The following RTKN variants were observed in gnomAD, a reference collection of about 807,000 sequenced individuals.
The protein encoded by RTKN is rhotekin.
A neutral mutation model predicts 63.5 loss-of-function variants in RTKN; 49 were observed. The ratio of observed to expected loss-of-function variants is 0.77; its 90% CI spans 0.61 to 0.98. The LOEUF (loss-of-function observed/expected upper bound fraction) is 0.98, where lower values mean the gene tolerates loss of function less well. Among genes scored for constraint, RTKN ranks in the 50% least tolerant of loss-of-function variants. The pLI is 0.00. For missense variants in RTKN, 685 were observed against 740.8 expected, an observed-to-expected ratio of 0.92 and a Z score of 0.87; for synonymous variants, 295 against 290.4, an observed-to-expected ratio of 1.02 and a Z score of -0.16.
intron 10 of RTKN, 42 bp downstream of exon 10, chr2:74,427,382 C>T (rs983752035): frequency 6.2e-7 from 1 of 1,610,364 alleles, no homozygotes; most frequent in Non-Finnish European, 8.5e-7. Context: ...TGACAAACTC[C>T]AGTTCTTCCC....
intron 1 of RTKN, among the ~76,000 whole-genome samples, chr2:74,437,885 C>T (rs979611735): frequency 6.6e-6 from 1 of 152,150 alleles, no homozygotes; most frequent in African/African-American, 2.4e-5. Context: ...CTCCTGATGC[C>T]GCTGAAACCA....
At position 74,437,772 on chromosome 2, in the gene RTKN, T is replaced by C. The variant is rs371529476; in HGVS notation, c.111+3934A>G. On this transcript the variant is annotated intron_variant, in intron 1 of 11. Transcript: ENST00000272430. Reference sequence around the variant, plus strand: ...AAATAGGTTTTATCTCATGCACTGATGGAGGATAATTAGGTAGAGTCCCAA... The same window carrying C: ...AAATAGGTTTTATCTCATGCACTGACGGAGGATAATTAGGTAGAGTCCCAA... 6.6e-5 allele frequency among the ~76,000 whole-genome samples: 10 copies of C among 152,324 alleles called. No individual in the cohort carries two copies. The East Asian group carries it at 9.6e-4, about 15-fold the overall frequency.
intron 6 of RTKN, 50 bp downstream of exon 6, chr2:74,429,778 G>A: frequency 6.4e-7 from 1 of 1,550,782 alleles, no homozygotes; most frequent in East Asian, 2.3e-5. Context: ...AAGGTCACCT[G>A]TGGGCAGAAT....
chr2:74,430,782 A>G (rs1670706179), intron 2 of RTKN, 105 bp from the exon 3 acceptor site: 2 of 1,151,640 alleles, frequency 1.7e-6, no homozygotes, highest in Non-Finnish European at 2.4e-6. Flanking sequence ...CTCAGCCACC[A>G]GGTTCCCAGC....
intron 11 of RTKN, chr2:74,426,813 G>A: frequency 7.4e-7 from 1 of 1,356,212 alleles, no homozygotes. Context: ...GGAGTGGGGA[G>A]CAGAGGTGGG....
At chr2:74,438,001 TGATAAA>T (rs2103922178) in intron 1 of RTKN, among the ~76,000 whole-genome samples, 1 of 152,230 alleles carries the variant, frequency 6.6e-6, no homozygotes, top group Non-Finnish European at 1.5e-5. Flanking sequence ...CTGGGCTCGT[TGATAAA>T]GAGTGCCAAA....
chr2:74,427,009 A>G, intron 11 of RTKN, 160 bp downstream of exon 11: 1 of 984,736 alleles, frequency 1.0e-6, no homozygotes, highest in Admixed American at 6.1e-5. Flanking sequence ...AAAGAGTTGG[A>G]GAGGAGAAAA....
chr2:74,440,670 GC>G, intron 1 of RTKN: 1 of 687,618 alleles, frequency 1.5e-6, no homozygotes, highest in Non-Finnish European at 1.8e-6. Flanking sequence ...CCCCACGCTG[GC>G]CCCACGCGGG....
At chr2:74,441,671 C>A (rs1195923885) in intron 1 of RTKN, 35 bp downstream of exon 1, 1 of 1,517,364 alleles carries the variant, frequency 6.6e-7, no homozygotes, top group Non-Finnish European at 9.0e-7. Flanking sequence ...CCCCGGGAGC[C>A]GCGGAAGGGG....
intron 9 of RTKN, 37 bp from the exon 10 acceptor site, chr2:74,427,629 A>C (rs1287137358): frequency 8.2e-6 from 13 of 1,594,720 alleles, no homozygotes; most frequent in Non-Finnish European, 1.0e-5. Flanking sequence ...TGGTCACAGA[A>C]GTTGGCAGTG....
At chr2:74,441,219 T>A (rs1057010379) in intron 1 of RTKN, among the ~76,000 whole-genome samples, 8 of 152,164 alleles carry the variant, frequency 5.3e-5, no homozygotes, top group Admixed American at 3.9e-4. Context: ...AGCCTTTGAA[T>A]TGGGCTTCGG....
chr2:74,436,567 G>A lies in RTKN; in HGVS notation c.112-3901C>T, dbSNP rs1282946262. Among the ~76,000 whole-genome samples the A allele has an allele frequency of 6.6e-6, 1 of 152,146 alleles. No individual in the cohort carries two copies. The highest frequency in any genetic ancestry group is 1.5e-5 in the Non-Finnish European group (1 of 68,010). ...TCCAGCTCCGGGAGGCCCCTCCCGC[G>A]TAGCGTTTGCCCTCCAAGGTGACCC... On this transcript the variant is annotated intron_variant, in intron 1 of 11. Coordinates refer to ENST00000272430, the MANE Select transcript of RTKN (RefSeq NM_001015055.2). The surrounding 1 kb of genome is among the most constrained non-coding windows in gnomAD (Gnocchi z 4.3).
At chr2:74,439,656 C>T in intron 1 of RTKN, 1 of 1,613,300 alleles carries the variant, frequency 6.2e-7, no homozygotes, top group Non-Finnish European at 8.5e-7. Flanking sequence ...CCCTTGTCAA[C>T]CCCTCCAGAG....
rs192666309 is a variant in RTKN, at chr2:74,434,069, T to C, written c.112-1403A>G. Reference sequence around the variant, plus strand: ...TGTTTATGCATAAAATATTAGTGATTGTAGGCCTGGGAGCCAGGGATGGAA... The same window carrying C: ...TGTTTATGCATAAAATATTAGTGATCGTAGGCCTGGGAGCCAGGGATGGAA... On this transcript the variant is annotated intron_variant, in intron 1 of 11. Transcript: ENST00000272430. Among the ~76,000 whole-genome samples the C allele has an allele frequency of 5.7e-4, 87 of 152,154 alleles. 1 individual carries two copies. The highest frequency in any genetic ancestry group is 9.1e-4 in the Non-Finnish European group (62 of 67,998).
chr2:74,437,083 A>T (rs1671106677), intron 1 of RTKN, among the ~76,000 whole-genome samples: 1 of 151,300 alleles, frequency 6.6e-6, no homozygotes, highest in Non-Finnish European at 1.5e-5. Context: ...GCTTCTCACT[A>T]CCCTTTTTTC....
chr2:74,432,513 G>A lies in RTKN; in HGVS notation c.265C>T (p.Leu89=). The change falls in exon 2 of 12, where the codon CTG becomes TTG. Residue 89 remains leucine, a synonymous_variant. Transcript: ENST00000272430. ...ACCTGCGCCTCCTTGCGCCGCTGCAGCTCGCCCATGTAGCTGAGGATGCGG... is the reference window on the plus strand; with the variant it reads ...ACCTGCGCCTCCTTGCGCCGCTGCAACTCGCCCATGTAGCTGAGGATGCGG... ...NSRILSYMGE[L]QRRKEAQVLG... 6.2e-7 allele frequency: 1 copy of A among 1,613,480 alleles called. No individual in the cohort carries two copies. The highest frequency in any genetic ancestry group is 1.3e-5 in the African/African-American group (1 of 75,050).
Position 74,426,075 on chromosome 2 carries a change from C to T in RTKN, c.*168G>A. On this transcript the variant is annotated 3_prime_UTR_variant, in exon 12 of 12. Coordinates refer to ENST00000272430, the MANE Select transcript of RTKN (RefSeq NM_001015055.2). Reference sequence around the variant, plus strand: ...AATGAGTCCCTCGGTACCATGGCAACCACAATTTAAGAGGGGCTTCTGCCC... The same window carrying T: ...AATGAGTCCCTCGGTACCATGGCAATCACAATTTAAGAGGGGCTTCTGCCC... 1 of 721,336 alleles carries T rather than the reference C, an allele frequency of 1.4e-6. No individual in the cohort carries two copies. Among genetic ancestry groups the T allele is most frequent in the Admixed American group, 2.5e-5 (1 of 40,560 alleles). 44.7% of individuals were successfully genotyped at this position (721,336 alleles called of 1,614,324 possible). A position where few individuals can be genotyped will look rare whatever the true frequency, so the allele number is the denominator to read the frequency against.
At chr2:74,432,269 C>T (rs1187113643) in intron 2 of RTKN, 198 bp downstream of exon 2, 4 of 708,428 alleles carry the variant, frequency 5.6e-6, no homozygotes, top group Admixed American at 2.0e-5. Context: ...TTTCTAAGTC[C>T]TGCCCTGGCT....
In RTKN at chr2:74,441,791, C is replaced by G; in HGVS notation, c.26G>C (p.Arg9Pro). MFSRNHRSRVTVARGSALE... is the reference protein window; with the variant it reads MFSRNHRSPVTVARGSALE... Reference sequence around the variant, plus strand: ...GGCGGAGCCCCTGGCCACGGTGACCCGGCTCCGGTGGTTTCGGGAGAACAT... The same window carrying G: ...GGCGGAGCCCCTGGCCACGGTGACCGGGCTCCGGTGGTTTCGGGAGAACAT... The change falls in exon 1 of 12, where the codon CGG becomes CCG. Residue 9 changes from arginine (R) to proline (P), a missense_variant. Transcript: ENST00000272430. The G allele has an allele frequency of 6.2e-7, 1 of 1,611,268 alleles. No homozygotes were observed.
Sources: allele counts gnomAD v4.1 joint callset (sites outside exome capture counted in the v4.1 genomes callset), GRCh38; gene constraint gnomAD v4.1.1; non-coding constraint Gnocchi (gnomAD v3.1); transcripts MANE v1.5; gene names NCBI Gene and HGNC (gene_info 2026-07-23, HGNC 2026-07-21).